The following ME3 variants were observed in gnomAD, a reference collection of about 807,000 sequenced individuals.
ME3 encodes NADP-dependent malic enzyme, mitochondrial.
ME3 carries 48 observed loss-of-function variants against 68.9 expected under a neutral mutation model. That is an observed-to-expected ratio of 0.70 (90% CI 0.55 to 0.89). ME3 has a LOEUF of 0.89. ME3 is among the 40% of genes least tolerant of loss of function. ME3 has a pLI of 0.00. For synonymous variants in ME3, 320 were observed against 318.8 expected (o/e 1.00, Z -0.04); for missense variants, 675 against 797.4 (o/e 0.85, Z 1.85).
At chr11:86,559,042 C>T (rs1290891904) in intron 3 of ME3, among the ~76,000 whole-genome samples, 1 of 152,144 alleles carries the variant, frequency 6.6e-6, no homozygotes, top group African/African-American at 2.4e-5. Context: ...AAATTCTAGC[C>T]ACGCCCATTT....
chr11:86,619,545 C>A (rs1182732620), intron 2 of ME3, among the ~76,000 whole-genome samples: 1 of 152,170 alleles, frequency 6.6e-6, no homozygotes, highest in African/African-American at 2.4e-5. Flanking sequence ...GGGTTTCCCC[C>A]ATACTGTTCT....
downstream of ME3, among the ~76,000 whole-genome samples, chr11:86,440,392 A>T (rs1948934667): frequency 6.6e-6 from 1 of 152,178 alleles, no homozygotes; most frequent in South Asian, 2.1e-4. Context: ...GATATTACTC[A>T]CTAAGAAAAC....
At chr11:86,451,526 A>G (rs7109853) in intron 8 of ME3, among the ~76,000 whole-genome samples, 97,117 of 152,090 alleles carry the variant, frequency 0.64, 31,296 homozygotes, top group South Asian at 0.78. Flanking sequence ...TCCTCTTACC[A>G]AGCTGGCCTG....
intron 2 of ME3, among the ~76,000 whole-genome samples, chr11:86,644,834 G>T (rs1944896300): frequency 6.6e-6 from 1 of 152,228 alleles, no homozygotes; most frequent in Non-Finnish European, 1.5e-5. Flanking sequence ...GAAGGCGGGT[G>T]ATTTCTGCAT....
At chr11:86,462,652 T>C (rs528369026) in intron 8 of ME3, 1 of 1,244,062 alleles carries the variant, frequency 8.0e-7, no homozygotes, top group Admixed American at 2.3e-5. Context: ...TAGGCATCTA[T>C]CATGTAGCAG....
intron 2 of ME3, among the ~76,000 whole-genome samples, chr11:86,562,964 T>G (rs1410244757): frequency 6.6e-6 from 1 of 152,126 alleles, no homozygotes; most frequent in African/African-American, 2.4e-5. Context: ...AGGATTATCC[T>G]CCAATTGCAT....
chr11:86,655,891 C>G (rs1945832975), intron 2 of ME3, among the ~76,000 whole-genome samples: 1 of 151,992 alleles, frequency 6.6e-6, no homozygotes, highest in South Asian at 2.1e-4. Flanking sequence ...AGAACTCAAA[C>G]AAATTTACAA....
At chr11:86,598,389 G>T (rs942909348) in intron 2 of ME3, among the ~76,000 whole-genome samples, 19 of 152,214 alleles carry the variant, frequency 1.2e-4, no homozygotes, top group African/African-American at 1.2e-4. Context: ...CAGCAGCAAG[G>T]CTGGGGGAGG....
At chr11:86,439,849 G>A (rs1948925157), downstream of ME3, among the ~76,000 whole-genome samples, 1 of 152,182 alleles carries the variant, frequency 6.6e-6, no homozygotes, top group South Asian at 2.1e-4. Context: ...GGGACATGAT[G>A]TAAAAAGGTA....
At chr11:86,542,153 A>C (rs1196615020) in intron 4 of ME3, among the ~76,000 whole-genome samples, 2 of 152,240 alleles carry the variant, frequency 1.3e-5, no homozygotes, top group East Asian at 3.8e-4. Flanking sequence ...TCTGAAGGTC[A>C]CTAAAATCAA....
intron 2 of ME3, among the ~76,000 whole-genome samples, chr11:86,617,885 A>G (rs1943078830): frequency 6.6e-6 from 1 of 152,242 alleles, no homozygotes; most frequent in Non-Finnish European, 1.5e-5. Context: ...GGAAAAATAA[A>G]TAATCCAAAA....
chr11:86,604,877 A>G (rs992555263), intron 2 of ME3, among the ~76,000 whole-genome samples: 2 of 152,244 alleles, frequency 1.3e-5, no homozygotes, highest in African/African-American at 4.8e-5. Context: ...AAAATTAACC[A>G]TTTTAAAGTG....
intron 2 of ME3, among the ~76,000 whole-genome samples, chr11:86,602,770 G>T (rs1165472116): frequency 2.6e-5 from 4 of 152,188 alleles, no homozygotes; most frequent in African/African-American, 9.7e-5. Flanking sequence ...CAATGGAACA[G>T]AACAGAGCAC....
At chr11:86,644,487 C>T (rs1594765456) in intron 2 of ME3, among the ~76,000 whole-genome samples, 2 of 152,158 alleles carry the variant, frequency 1.3e-5, no homozygotes, top group East Asian at 3.8e-4. Flanking sequence ...TGATTTTATG[C>T]AATTTCCTTT....
At chr11:86,581,190 C>T (rs1171610970) in intron 2 of ME3, among the ~76,000 whole-genome samples, 1 of 152,156 alleles carries the variant, frequency 6.6e-6, no homozygotes, top group Non-Finnish European at 1.5e-5. Flanking sequence ...AATAAAAGTA[C>T]TGTTTTGCTA....
intron 2 of ME3, among the ~76,000 whole-genome samples, chr11:86,664,674 G>T (rs1445201469): frequency 6.6e-6 from 1 of 152,140 alleles, no homozygotes; most frequent in Non-Finnish European, 1.5e-5. Context: ...AAGTCTCCAA[G>T]GACTCAGAGT....
intron 2 of ME3, among the ~76,000 whole-genome samples, chr11:86,649,970 G>T (rs1945291031): frequency 6.6e-6 from 1 of 152,086 alleles, no homozygotes; most frequent in African/African-American, 2.4e-5. Flanking sequence ...TCAATTTCAT[G>T]TGGAACCAAA....
chr11:86,568,890 T>C (rs1957628151), intron 2 of ME3, among the ~76,000 whole-genome samples: 2 of 152,188 alleles, frequency 1.3e-5, no homozygotes, highest in Admixed American at 1.3e-4. Context: ...ACAGAACAGG[T>C]CCTGGTCACT....
intron 4 of ME3, among the ~76,000 whole-genome samples, chr11:86,536,937 C>G (rs1457278675): frequency 6.6e-6 from 1 of 151,840 alleles, no homozygotes; most frequent in African/African-American, 2.4e-5. Context: ...ACATATACAC[C>G]ATGGAATACT....
Sources: allele counts gnomAD v4.1 joint callset (sites outside exome capture counted in the v4.1 genomes callset), GRCh38; gene constraint gnomAD v4.1.1; transcripts MANE v1.5; gene names NCBI Gene and HGNC (gene_info 2026-07-23, HGNC 2026-07-21).